The following ATAD3A variants were observed in gnomAD, a reference collection of about 807,000 sequenced individuals.
ATAD3A encodes ATPase family AAA domain-containing protein 3A.
Under a neutral mutation model 73.8 loss-of-function variants are expected in ATAD3A, and 46 were observed. The observed-to-expected ratio is 0.62, with a 90% CI of 0.49 to 0.80. The LOEUF (loss-of-function observed/expected upper bound fraction) is 0.80, where lower values mean the gene tolerates loss of function less well. ATAD3A is among the 30% of genes least tolerant of loss of function. The probability of loss-of-function intolerance (pLI) is 0.00; values close to 1 mark genes in which losing one functional copy is unlikely to be tolerated. For missense variants in ATAD3A, 705 were observed against 838.0 expected, an observed-to-expected ratio of 0.84 and a Z score of 1.96; for synonymous variants, 319 against 350.0, an observed-to-expected ratio of 0.91 and a Z score of 0.99.
chr1:1,518,666 T>TACAC (rs113798902), intron 4 of ATAD3A, among the ~76,000 whole-genome samples: 2,286 of 40,912 alleles, frequency 0.056, 28 homozygotes, highest in African/African-American at 0.11. Context: ...CCCGCACGGG[T>TACAC]ACACACACAC....
Position 1,527,796 on chromosome 1 carries a change from A to C in ATAD3A, c.1439A>C (p.Glu480Ala). 6.2e-7 allele frequency: 1 copy of C among 1,613,978 alleles called. No individual in the cohort carries two copies. Among genetic ancestry groups the C allele is most frequent in the Non-Finnish European group, 8.5e-7 (1 of 1,179,960 alleles). ...CACTTCGACCTGCCAGGGCAGGAGG[A>C]ACGGGAGCGCCTGGTGAGAATGTAT... ...MVHFDLPGQE[E>A]RERLVRMYFD... Residue 480 changes from glutamate (E) to alanine (A), a missense_variant, in exon 14 of 16, where the codon GAA becomes GCA. Around this residue, in one of 5 missense-constraint regions of ATAD3A, gnomAD observed 252 missense variants for 278.5 expected, o/e 0.90. Coordinates refer to ENST00000378756, the MANE Select transcript of ATAD3A (RefSeq NM_001170535.3).
In ATAD3A at chr1:1,520,105, T is replaced by C; in HGVS notation, c.515-36T>C. ...GTGGGTGGAGGTGGACGCGCTGCAC[T>C]GCATGGTGCTGAGCTGCCCTGCCTC... On this transcript the variant is annotated intron_variant, in intron 5 of 15. Coordinates refer to ENST00000378756, the MANE Select transcript of ATAD3A (RefSeq NM_001170535.3). The surrounding 1 kb of genome is among the most constrained non-coding windows in gnomAD (Gnocchi z 4.0). 6.3e-7 allele frequency: 1 copy of C among 1,598,010 alleles called. No individual in the cohort carries two copies. Among genetic ancestry groups the C allele is most frequent in the Non-Finnish European group, 8.5e-7 (1 of 1,174,160 alleles).
Position 1,533,255 on chromosome 1 carries a change from CACCCTG to C in ATAD3A, c.1615-654_1615-649del, listed in dbSNP as rs550395961. 7.4e-3 allele frequency among the ~76,000 whole-genome samples: 1,126 copies of C among 152,304 alleles called. 11 individuals are homozygous for C. The highest frequency in any genetic ancestry group is 0.025 in the African/African-American group (1,042 of 41,546). On this transcript the variant is annotated intron_variant, in intron 15 of 15. Transcript: ENST00000378756. ...GCACGGTGCCCAGTGGGGGTCCCCA[CACCCTG>C]ACCCTGACCCTGACCCACGGGTGCC...
At chr1:1,519,278 G>A (rs1641502018) in intron 5 of ATAD3A, among the ~76,000 whole-genome samples, 1 of 139,436 alleles carries the variant, frequency 7.2e-6, no homozygotes, top group Non-Finnish European at 1.6e-5. Context: ...CCAGGCAGGA[G>A]TGCAATAGCA....
At chr1:1,529,778 G>A (rs2100682708) in intron 15 of ATAD3A, among the ~76,000 whole-genome samples, 1 of 152,348 alleles carries the variant, frequency 6.6e-6, no homozygotes. Flanking sequence ...GGGTGGGAGT[G>A]GCCTCTGGTT....
chr1:1,512,549 G>T (rs1641235296), intron 1 of ATAD3A, 76 bp downstream of exon 1: 1 of 1,382,722 alleles, frequency 7.2e-7, no homozygotes, highest in Non-Finnish European at 9.5e-7. Flanking sequence ...GGCCCTTGCC[G>T]CTCCTCGCCG....
chr1:1,521,894 A>C (rs1570336765), intron 7 of ATAD3A, among the ~76,000 whole-genome samples: 1 of 151,886 alleles, frequency 6.6e-6, no homozygotes, highest in South Asian at 2.1e-4. Flanking sequence ...AGGCCCGGCC[A>C]ATTTTTGTAT....
rs1641212901 is a variant in ATAD3A, at chr1:1,512,191, T to G, written c.-78T>G. 2 of 1,221,280 alleles carry G rather than the reference T, an allele frequency of 1.6e-6. No individual in the cohort carries two copies. Among genetic ancestry groups the G allele is most frequent in the Non-Finnish European group, 2.0e-6 (2 of 977,908 alleles). 75.7% of individuals were successfully genotyped at this position (1,221,280 alleles called of 1,614,324 possible). On this transcript the variant is annotated 5_prime_UTR_variant, in exon 1 of 16. Coordinates refer to ENST00000378756, the MANE Select transcript of ATAD3A (RefSeq NM_001170535.3). ...GCGGTGACCACCGGCTCGCGGCGCGTGGAGGCTGCTCCCAGCCGCGCGCGA... is the reference window on the plus strand; with the variant it reads ...GCGGTGACCACCGGCTCGCGGCGCGGGGAGGCTGCTCCCAGCCGCGCGCGA...
chr1:1,533,177 C>T (rs1352268867), intron 15 of ATAD3A, among the ~76,000 whole-genome samples: 2 of 152,166 alleles, frequency 1.3e-5, no homozygotes, highest in African/African-American at 4.8e-5. Flanking sequence ...CTCAGCTGTC[C>T]AGGAAGGGTC....
rs954706108 is a variant in ATAD3A, at chr1:1,520,744, C to T, written c.750+127C>T. The T allele has an allele frequency of 7.0e-6, 10 of 1,430,006 alleles. No individual in the cohort carries two copies. The African/African-American group carries it at 1.1e-4, about 16-fold the overall frequency. The allele number at this position is 1,430,006 out of a possible 1,614,324, so 88.6% of individuals were successfully genotyped here. ...GTAGCTCTCCCAGCAGGGAGGAAGC[C>T]CACGTTGTACCTGCTGGCCTCGGCT... On this transcript the variant is annotated intron_variant, in intron 7 of 15. Coordinates refer to ENST00000378756, the MANE Select transcript of ATAD3A (RefSeq NM_001170535.3). The surrounding 1 kb of genome is among the most constrained non-coding windows in gnomAD (Gnocchi z 4.0).
rs1430875149 is a variant in ATAD3A at position 1,523,883 on chromosome 1, G to C, written c.1008G>C (p.Arg336Ser). 6.2e-7 allele frequency: 1 copy of C among 1,614,024 alleles called. No homozygotes were observed. ...ARVRDIAIAT[R>S]NTKKNRSLYR... ...TGCGCGACATCGCCATAGCAACAAG[G>C]AACACCAAGAAGAACCGCAGCCTGT... The change falls in exon 10 of 16, where the codon AGG becomes AGC. Residue 336 changes from arginine (R) to serine (S), a missense_variant. By Grantham distance (110) the Arg-to-Ser change is moderately radical. Coordinates refer to ENST00000378756, the MANE Select transcript of ATAD3A (RefSeq NM_001170535.3). This position sits in a 1 kb window ranked among gnomAD's most constrained non-coding sequence, Gnocchi z 5.1.
At chr1:1,526,578 C>T in intron 13 of ATAD3A, 47 bp downstream of exon 13, 1 of 1,611,458 alleles carries the variant, frequency 6.2e-7, no homozygotes, top group Non-Finnish European at 8.5e-7. Flanking sequence ...GGCTGTGCAG[C>T]CGTCGCCCTT....
intron 15 of ATAD3A, among the ~76,000 whole-genome samples, chr1:1,532,997 T>G (rs1642085132): frequency 6.6e-6 from 1 of 152,044 alleles, no homozygotes; most frequent in Admixed American, 6.5e-5. Flanking sequence ...ACACAGTGGC[T>G]CTTGGTGAGG....
intron 12 of ATAD3A, among the ~76,000 whole-genome samples, chr1:1,525,712 C>G (rs1329481667): frequency 6.6e-6 from 1 of 151,608 alleles, no homozygotes; most frequent in African/African-American, 2.4e-5. Flanking sequence ...CCACGCCCAG[C>G]CTTTTAATTA....
chr1:1,526,317 C>T, intron 12 of ATAD3A, 144 bp from the exon 13 acceptor site: 1 of 1,512,366 alleles, frequency 6.6e-7, no homozygotes, highest in Non-Finnish European at 8.9e-7. Flanking sequence ...CCGCCCCTGG[C>T]CCTGGTCAGG....
At chr1:1,516,846 G>A (rs1641375078) in intron 2 of ATAD3A, among the ~76,000 whole-genome samples, 1 of 151,808 alleles carries the variant, frequency 6.6e-6, no homozygotes, top group African/African-American at 2.4e-5. Flanking sequence ...CGAGCAGCTG[G>A]GACTACAAGA....
At chr1:1,515,753 A>G (rs546574749) in intron 1 of ATAD3A, among the ~76,000 whole-genome samples, 33 of 152,302 alleles carry the variant, frequency 2.2e-4, no homozygotes, top group African/African-American at 7.9e-4. Flanking sequence ...CCTCCCGTCC[A>G]CGTGGGATGG....
intron 1 of ATAD3A, chr1:1,512,762 A>G: frequency 9.1e-7 from 1 of 1,098,242 alleles, no homozygotes; most frequent in Non-Finnish European, 1.1e-6. Flanking sequence ...CGTGGTCTTC[A>G]GTTACCGCCG....
intron 1 of ATAD3A, 110 bp downstream of exon 1, chr1:1,512,583 G>A (rs1486758634): frequency 2.9e-6 from 4 of 1,402,494 alleles, no homozygotes; most frequent in South Asian, 2.5e-5. Context: ...CTTCCCGGGC[G>A]AGACTGCGCC....
Sources: allele counts gnomAD v4.1 joint callset (sites outside exome capture counted in the v4.1 genomes callset), GRCh38; gene constraint gnomAD v4.1.1; regional missense constraint gnomAD v4.1.1; non-coding constraint Gnocchi (gnomAD v3.1); transcripts MANE v1.5; gene names NCBI Gene and HGNC (gene_info 2026-07-23, HGNC 2026-07-21).